SHISA9: variants seen among roughly 807,000 people sequenced by gnomAD.
SHISA9 encodes protein shisa-9.
In SHISA9, 13 loss-of-function variants were observed where a neutral mutation model predicts 38.0. That is an observed-to-expected ratio of 0.34 (90% CI 0.22 to 0.54). The LOEUF is 0.54. Among genes scored for constraint, SHISA9 ranks in the 20% least tolerant of loss-of-function variants. SHISA9 has a pLI of 0.91. For missense variants in SHISA9, 538 were observed against 575.8 expected, an observed-to-expected ratio of 0.93 and a Z score of 0.67; for synonymous variants, 275 against 242.0, an observed-to-expected ratio of 1.14 and a Z score of -1.27.
chr16:13,258,456 C>A, the SHISA9 span: 1 of 152,184 alleles, frequency 6.6e-6, no homozygotes, highest in African/African-American at 2.4e-5. Context: ...AGAGTTGGTT[C>A]TCTTCTCTTC....
chr16:13,300,728 A>G, the SHISA9 span, among the ~76,000 whole-genome samples: 1 of 152,056 alleles, frequency 6.6e-6, no homozygotes, highest in Non-Finnish European at 1.5e-5. Flanking sequence ...CCCCAAGCCA[A>G]GGAGAAATCA....
chr16:13,132,394 G>A (rs60876610), intron 2 of SHISA9, among the ~76,000 whole-genome samples: 5,856 of 152,198 alleles, frequency 0.038, 194 homozygotes, highest in African/African-American at 0.092. Context: ...GTGACTTCAT[G>A]TATTTACTGC....
chr16:13,107,454 AC>A (rs1199226682), intron 2 of SHISA9, among the ~76,000 whole-genome samples: 8 of 141,958 alleles, frequency 5.6e-5, no homozygotes, highest in African/African-American at 1.8e-4. Flanking sequence ...AAACAAACAA[AC>A]AAACAAAAAA....
chr16:13,050,395 G>A (rs2073237219), intron 2 of SHISA9, among the ~76,000 whole-genome samples: 1 of 152,232 alleles, frequency 6.6e-6, no homozygotes, highest in South Asian at 2.1e-4. Flanking sequence ...GCTGTGGTGT[G>A]ATCTTGGCTC....
chr16:12,937,029 A>C (rs751954578), intron 2 of SHISA9, among the ~76,000 whole-genome samples: 24 of 152,144 alleles, frequency 1.6e-4, no homozygotes, highest in Non-Finnish European at 3.2e-4. Flanking sequence ...GTAATTTCAC[A>C]TACTTAGCTG....
chr16:13,377,545 G>A, the SHISA9 span, among the ~76,000 whole-genome samples: 3 of 152,080 alleles, frequency 2.0e-5, no homozygotes, highest in Admixed American at 2.0e-4. Flanking sequence ...GCCACCCATG[G>A]ATTTTGATCC....
chr16:13,354,909 G>A, the SHISA9 span, among the ~76,000 whole-genome samples: 2 of 152,076 alleles, frequency 1.3e-5, no homozygotes, highest in Admixed American at 6.5e-5. Context: ...CTTGATTGAA[G>A]TAATGGGGGC....
chr16:13,246,563 A>T, the SHISA9 span, among the ~76,000 whole-genome samples: 1 of 152,170 alleles, frequency 6.6e-6, no homozygotes, highest in Admixed American at 6.5e-5. Flanking sequence ...CAATTATTGA[A>T]CATTTTTTGT....
At chr16:13,304,293 C>G in the SHISA9 span, among the ~76,000 whole-genome samples, 1 of 152,384 alleles carries the variant, frequency 6.6e-6, no homozygotes, top group South Asian at 2.1e-4. Flanking sequence ...GGGTCTCACT[C>G]TGTCACCTGG....
chr16:13,440,985 G>A, the SHISA9 span, among the ~76,000 whole-genome samples: 21 of 152,068 alleles, frequency 1.4e-4, no homozygotes, highest in Non-Finnish European at 2.5e-4. Flanking sequence ...TCTGGGAGTC[G>A]AGAAAATTAA....
At chr16:13,028,170 A>G (rs1237916626) in intron 2 of SHISA9, among the ~76,000 whole-genome samples, 1 of 152,072 alleles carries the variant, frequency 6.6e-6, no homozygotes, top group Non-Finnish European at 1.5e-5. Flanking sequence ...AAATTGATCA[A>G]ACTGTGTACT....
the SHISA9 span, among the ~76,000 whole-genome samples, chr16:13,437,076 G>C: frequency 6.6e-6 from 1 of 152,018 alleles, no homozygotes; most frequent in Non-Finnish European, 1.5e-5. Flanking sequence ...CCTCCCACCG[G>C]GTCCCTCCCA....
chr16:13,363,817 C>T, the SHISA9 span, among the ~76,000 whole-genome samples: 60,154 of 151,964 alleles, frequency 0.4, 13,336 homozygotes, highest in East Asian at 0.57. Context: ...TTTCAAATCA[C>T]GGAAGATTAC....
chr16:12,908,772 G>A (rs960854010), intron 1 of SHISA9: 4 of 1,392,514 alleles, frequency 2.9e-6, no homozygotes, highest in Admixed American at 3.0e-5. Context: ...AGGCCCAGAC[G>A]TCTTGGTGGA....
chr16:13,178,875 C>G (rs186778375), intron 2 of SHISA9, among the ~76,000 whole-genome samples: 5 of 152,022 alleles, frequency 3.3e-5, no homozygotes, highest in African/African-American at 1.2e-4. Flanking sequence ...TTGTTTTTTT[C>G]TGCCCTATTT....
the SHISA9 span, among the ~76,000 whole-genome samples, chr16:13,405,766 C>A: frequency 6.6e-6 from 1 of 152,010 alleles, no homozygotes; most frequent in South Asian, 2.1e-4. Flanking sequence ...AGGATAATGG[C>A]CTCCAGCTTC....
In SHISA9 at chr16:13,002,533, C is replaced by CTTT. The variant is rs35810010; in HGVS notation, c.691+85735_691+85737dup. 3.0e-3 allele frequency among the ~76,000 whole-genome samples: 373 copies of CTTT among 125,614 alleles called. 6 individuals carry two copies. Among genetic ancestry groups the CTTT allele is most frequent in the African/African-American group, 1.0e-2 (336 of 33,656 alleles). The allele number at this position is 125,614 out of a possible 152,430, so 82.4% of individuals were successfully genotyped here. A position where few individuals can be genotyped will look rare whatever the true frequency, so the allele number is the denominator to read the frequency against. The stretch of plus-strand genomic sequence containing the variant: ...TGTGAGACAGTCAGTTGGTTCCTGT[C>CTTT]TTTTTTTTTTTTTTTTTTTGAGACA... On this transcript the variant is annotated intron_variant, in intron 2 of 4. Transcript: ENST00000558583.
At chr16:13,046,917 C>A (rs954338533) in intron 2 of SHISA9, among the ~76,000 whole-genome samples, 3 of 152,136 alleles carry the variant, frequency 2.0e-5, no homozygotes, top group African/African-American at 7.2e-5. Context: ...CTGGAACCTG[C>A]AGATTATTTA....
intron 2 of SHISA9, among the ~76,000 whole-genome samples, chr16:13,197,902 G>A (rs890912368): frequency 4.6e-5 from 7 of 152,084 alleles, no homozygotes; most frequent in African/African-American, 1.4e-4. Context: ...TTATATATGC[G>A]GGCCGGGCGA....
Sources: allele counts gnomAD v4.1 joint callset (sites outside exome capture counted in the v4.1 genomes callset), GRCh38; gene constraint gnomAD v4.1.1; transcripts MANE v1.5; gene names NCBI Gene and HGNC (gene_info 2026-07-23, HGNC 2026-07-21).